The following NEK7 variants were observed in gnomAD, a reference collection of about 807,000 sequenced individuals.
The protein encoded by NEK7 is NIMA related kinase 7.
Under a neutral mutation model 44.6 loss-of-function variants are expected in NEK7, and 18 were observed. That is an observed-to-expected ratio of 0.40 (90% CI 0.28 to 0.60). The LOEUF (loss-of-function observed/expected upper bound fraction) is 0.60, where lower values mean the gene tolerates loss of function less well. Ranked by LOEUF, NEK7 falls within the 20% of genes least tolerant of loss-of-function variation. The pLI, the probability that NEK7 is intolerant of heterozygous loss-of-function variation, is 0.38. For synonymous variants in NEK7, 130 were observed against 121.1 expected, an observed-to-expected ratio of 1.07 and a Z score of -0.48; for missense variants, 256 against 366.5, an observed-to-expected ratio of 0.70 and a Z score of 2.46.
intron 1 of NEK7, among the ~76,000 whole-genome samples, chr1:198,174,786 C>G (rs1664559031): frequency 6.6e-6 from 1 of 151,662 alleles, no homozygotes; most frequent in Non-Finnish European, 1.5e-5. Flanking sequence ...GGGACAGGGT[C>G]TTGCTCTGTC....
chr1:198,170,728 T>C (rs988943102), intron 1 of NEK7, among the ~76,000 whole-genome samples: 7 of 152,188 alleles, frequency 4.6e-5, no homozygotes, highest in Non-Finnish European at 1.0e-4. Context: ...CATGCTAAAA[T>C]GATTGAACCT....
chr1:198,202,540 C>T (rs978946931), intron 1 of NEK7, among the ~76,000 whole-genome samples: 9 of 152,186 alleles, frequency 5.9e-5, no homozygotes, highest in Non-Finnish European at 1.0e-4. Context: ...AGTGGCTACG[C>T]TGGTGCTGCT....
chr1:198,195,428 C>G (rs1665200949), intron 1 of NEK7, among the ~76,000 whole-genome samples: 1 of 152,016 alleles, frequency 6.6e-6, no homozygotes, highest in Non-Finnish European at 1.5e-5. Flanking sequence ...TAGAAAATAC[C>G]CATTTAACCA....
chr1:198,278,155 A>G (rs1314498129), intron 6 of NEK7, 86 bp downstream of exon 6: 18 of 699,068 alleles, frequency 2.6e-5, no homozygotes, highest in Non-Finnish European at 4.5e-5. Context: ...AGTACATAAT[A>G]CCATACTTTT....
intron 9 of NEK7, among the ~76,000 whole-genome samples, chr1:198,311,027 A>G (rs79548401): frequency 0.51 from 72,326 of 142,808 alleles, 21,888 homozygotes; most frequent in East Asian, 0.89. Context: ...ATTACCTTGG[A>G]CAGTATGGCC....
intron 7 of NEK7, among the ~76,000 whole-genome samples, chr1:198,284,961 G>A (rs899082962): frequency 1.3e-5 from 2 of 152,028 alleles, no homozygotes; most frequent in African/African-American, 4.8e-5. Flanking sequence ...TTTCTCCTCT[G>A]TTCCTCAGTG....
At chr1:198,246,385 GA>G (rs933967258) in intron 2 of NEK7, among the ~76,000 whole-genome samples, 4 of 152,112 alleles carry the variant, frequency 2.6e-5, no homozygotes, top group African/African-American at 9.7e-5. Context: ...GCCATGGGGG[GA>G]AAAAGGTGCC....
At chr1:198,303,687 G>A (rs1654950042) in intron 9 of NEK7, among the ~76,000 whole-genome samples, 1 of 152,000 alleles carries the variant, frequency 6.6e-6, no homozygotes, top group Admixed American at 6.6e-5. Flanking sequence ...GTTTAAGTTG[G>A]CGTTAGAGGA....
At chr1:198,280,816 C>G (rs1203571541) in intron 7 of NEK7, among the ~76,000 whole-genome samples, 1 of 149,508 alleles carries the variant, frequency 6.7e-6, no homozygotes, top group African/African-American at 2.4e-5. Context: ...AACATATGCT[C>G]ATGCCCATAA....
chr1:198,209,365 A>G (rs1184277902), intron 1 of NEK7, among the ~76,000 whole-genome samples: 2 of 152,134 alleles, frequency 1.3e-5, no homozygotes, highest in Non-Finnish European at 2.9e-5. Flanking sequence ...TAGTAGAATA[A>G]TTCAGCAAAT....
At chr1:198,234,117 C>A (rs770148970) in intron 2 of NEK7, among the ~76,000 whole-genome samples, 44 of 152,098 alleles carry the variant, frequency 2.9e-4, no homozygotes, top group Non-Finnish European at 5.9e-5. Context: ...TCTGGTACTT[C>A]AATTTCTCAC....
At chr1:198,285,460 G>T (rs1033393758) in intron 7 of NEK7, among the ~76,000 whole-genome samples, 1 of 152,202 alleles carries the variant, frequency 6.6e-6, no homozygotes, top group Non-Finnish European at 1.5e-5. Flanking sequence ...GTAGACGCTT[G>T]TTGGTCTTTA....
chr1:198,301,995 C>G (rs552895233), intron 9 of NEK7, among the ~76,000 whole-genome samples: 1 of 152,088 alleles, frequency 6.6e-6, no homozygotes, highest in Non-Finnish European at 1.5e-5. Flanking sequence ...GTCTGATTAA[C>G]GCTTTTTTAG....
chr1:198,184,056 C>G (rs962605548), intron 1 of NEK7, among the ~76,000 whole-genome samples: 3 of 152,104 alleles, frequency 2.0e-5, no homozygotes, highest in Non-Finnish European at 4.4e-5. Context: ...TTAACAACAG[C>G]TTTCTTTAAA....
chr1:198,248,898 A>C (rs1471935224), intron 2 of NEK7, among the ~76,000 whole-genome samples: 1 of 151,626 alleles, frequency 6.6e-6, no homozygotes, highest in African/African-American at 2.4e-5. Context: ...TATTATTATT[A>C]TACTATTATA....
At chr1:198,181,053 A>G (rs891383125) in intron 1 of NEK7, among the ~76,000 whole-genome samples, 2 of 152,108 alleles carry the variant, frequency 1.3e-5, no homozygotes, top group Non-Finnish European at 2.9e-5. Flanking sequence ...CTTTAAACAC[A>G]TGATAATCAC....
intron 2 of NEK7, among the ~76,000 whole-genome samples, chr1:198,233,979 G>A (rs1467970410): frequency 6.6e-6 from 1 of 151,292 alleles, no homozygotes; most frequent in East Asian, 2.0e-4. Context: ...TCTTTCCTTG[G>A]AAATGTGGCG....
At chr1:198,285,812 T>C (rs983993072) in intron 7 of NEK7, among the ~76,000 whole-genome samples, 10 of 152,102 alleles carry the variant, frequency 6.6e-5, no homozygotes, top group Admixed American at 1.3e-4. Context: ...TTTTTAAAAA[T>C]ACTGCTTGTA....
chr1:198,317,886 T>TG (rs776934124), intron 9 of NEK7, among the ~76,000 whole-genome samples: 5 of 142,544 alleles, frequency 3.5e-5, no homozygotes, highest in African/African-American at 1.3e-4. Flanking sequence ...TATTTTTTTT[T>TG]TTTTTTTTTT....
Sources: gnomAD v4.1 joint callset for allele counts (sites outside exome capture counted in the v4.1 genomes callset) on GRCh38, gnomAD v4.1.1 for gene constraint, MANE v1.5 for transcripts, NCBI Gene and HGNC (gene_info 2026-07-23, HGNC 2026-07-21) for gene names.